The following HSPH1 variants were observed in gnomAD, a reference collection of about 807,000 sequenced individuals.
HSPH1 encodes heat shock protein 105 kDa.
In HSPH1, 40 loss-of-function variants were observed where a neutral mutation model predicts 100.0. That is an observed-to-expected ratio of 0.40 (90% CI 0.31 to 0.52). The LOEUF is 0.52. HSPH1 is among the 20% of genes least tolerant of loss of function. The probability of loss-of-function intolerance (pLI) is 0.54; values close to 1 mark genes in which losing one functional copy is unlikely to be tolerated. For missense variants in HSPH1, 876 were observed against 1,015.1 expected, an observed-to-expected ratio of 0.86 and a Z score of 1.86; for synonymous variants, 403 against 344.0, an observed-to-expected ratio of 1.17 and a Z score of -1.90.
In HSPH1 at chr13:31,138,788, C is replaced by T; in HGVS notation, c.2201G>A (p.Arg734Lys). 1 of 1,604,612 alleles carries T rather than the reference C, an allele frequency of 6.2e-7. No homozygotes were observed. Among genetic ancestry groups the T allele is most frequent in the Non-Finnish European group, 8.5e-7 (1 of 1,177,484 alleles). The change falls in exon 16 of 18, where the codon AGA (arginine) becomes AAA (lysine). Residue 734 changes from arginine to lysine, a missense_variant. Transcript: ENST00000320027. ...ACAAAAAGACTGACTCACCTTATTT[C>T]TGAAGTCAGCTGCTATCTTGGCATA... Reference protein sequence around the residue: ...QHYAKIAADFRNKDEKYNHID... With the variant: ...QHYAKIAADFKNKDEKYNHID...
chr13:31,159,443 G>C (rs1956817348), intron 1 of HSPH1, among the ~76,000 whole-genome samples: 1 of 152,172 alleles, frequency 6.6e-6, no homozygotes, highest in Non-Finnish European at 1.5e-5. Flanking sequence ...TGGCAAAACA[G>C]AATATAAATG....
At position 31,135,920 on chromosome 13, in the gene HSPH1, T is replaced by C. The variant is rs1955871896; in HGVS notation, c.*1398A>G. On this transcript the variant is annotated 3_prime_UTR_variant, in exon 18 of 18. Transcript: ENST00000320027. ...GGGCATGGTGGCTCACACCATGTAA[T>C]CCCAGCACTTTGGGAGGCTGAGGCA... The C allele has an allele frequency of 6.6e-6, 1 of 152,028 alleles. No homozygotes were observed. The highest frequency in any genetic ancestry group is 6.6e-5 in the Admixed American group (1 of 15,258). 9.4% of individuals were successfully genotyped at this position (152,028 alleles called of 1,614,324 possible). A position where few individuals can be genotyped will look rare whatever the true frequency, so the allele number is the denominator to read the frequency against.
At chr13:31,160,955 GA>G (rs1180399738) in intron 1 of HSPH1, among the ~76,000 whole-genome samples, 6 of 152,214 alleles carry the variant, frequency 3.9e-5, no homozygotes, top group Non-Finnish European at 8.8e-5. Flanking sequence ...ACAAGCTCTG[GA>G]AGCTTCCAGT....
intron 13 of HSPH1, 118 bp from the exon 14 acceptor site, chr13:31,140,427 G>C (rs1956047796): frequency 1.2e-6 from 1 of 828,566 alleles, no homozygotes; most frequent in Non-Finnish European, 1.8e-6. Context: ...TGTTAACACA[G>C]TTCCAACTTA....
intron 2 of HSPH1, among the ~76,000 whole-genome samples, chr13:31,158,420 G>A (rs1956776109): frequency 1.3e-5 from 2 of 151,866 alleles, no homozygotes; most frequent in South Asian, 4.2e-4. Context: ...GTGGTGACAC[G>A]CGCCTGTAAT....
chr13:31,154,493 T>C, intron 4 of HSPH1, 140 bp downstream of exon 4: 1 of 962,444 alleles, frequency 1.0e-6, no homozygotes, highest in Non-Finnish European at 1.6e-6. Flanking sequence ...TTTGTAATGC[T>C]CTGGAACACA....
At chr13:31,155,739 A>T (rs1956662804) in intron 2 of HSPH1, 85 bp from the exon 3 acceptor site, 1 of 1,212,842 alleles carries the variant, frequency 8.2e-7, no homozygotes, top group South Asian at 1.5e-5. Flanking sequence ...TATTCACTTT[A>T]CAACTCAAAC....
chr13:31,158,622 G>C (rs540879428), intron 2 of HSPH1, among the ~76,000 whole-genome samples, 184 bp downstream of exon 2: 1 of 151,162 alleles, frequency 6.6e-6, no homozygotes, highest in South Asian at 2.1e-4. Flanking sequence ...ATAAAACAAG[G>C]GAAAGGGAAC....
chr13:31,162,292 C>A, upstream of HSPH1: 1 of 613,576 alleles, frequency 1.6e-6, no homozygotes, highest in Non-Finnish European at 2.9e-6. Flanking sequence ...GGAGACAGAC[C>A]CCATTTTTGC....
chr13:31,144,488 T>C (rs1192182768), intron 11 of HSPH1, among the ~76,000 whole-genome samples: 2 of 152,162 alleles, frequency 1.3e-5, no homozygotes, highest in African/African-American at 4.8e-5. Context: ...GAGTAAAGAA[T>C]AAATGCTACA....
Position 31,138,374 on chromosome 13 carries a change from AC to A in HSPH1, c.2370+32del, listed in dbSNP as rs1327761377. The stretch of plus-strand genomic sequence containing the variant: ...GATTGCAACTTGAGTCCGTAAGTGA[AC>A]CCAGCAGTAAACACGAGACAGTAAC... On this transcript the variant is annotated intron_variant, in intron 17 of 17. Coordinates refer to ENST00000320027, the MANE Select transcript of HSPH1 (RefSeq NM_006644.4). The A allele has an allele frequency of 3.7e-6, 6 of 1,603,376 alleles. No individual in the cohort carries two copies. The South Asian group carries it at 6.7e-5, about 18-fold the overall frequency.
In HSPH1 at chr13:31,146,226, A is replaced by C. The variant is rs2137575171; in HGVS notation, c.1379-458T>G. ...TAACACTTGAGAACTGCTATTGTAA[A>C]ATCTTCTACCTAGTCTTTACCAAAT... On this transcript the variant is annotated intron_variant, in intron 10 of 17. Coordinates refer to ENST00000320027, the MANE Select transcript of HSPH1 (RefSeq NM_006644.4). Among the ~76,000 whole-genome samples the C allele has an allele frequency of 1.3e-5, 2 of 152,314 alleles. 1 individual carries two copies. The highest frequency in any genetic ancestry group is 4.1e-4 in the South Asian group (2 of 4,824).
chr13:31,145,555 A>C lies in HSPH1; in HGVS notation c.1584+8T>G. 2 of 1,610,650 alleles carry C rather than the reference A, an allele frequency of 1.2e-6. No homozygotes were observed. The highest frequency in any genetic ancestry group is 1.7e-6 in the Non-Finnish European group (2 of 1,177,610). On this transcript the variant is annotated splice_region_variant and intron_variant, in intron 11 of 17. Transcript: ENST00000320027. ...TATTCAAACACAAAGGTTTATCCAC[A>C]AACTTACATCAGTGTCTGGGTTTTC...
At chr13:31,160,129 CA>C (rs1219274630) in intron 1 of HSPH1, among the ~76,000 whole-genome samples, 1 of 152,186 alleles carries the variant, frequency 6.6e-6, no homozygotes, top group Non-Finnish European at 1.5e-5. Context: ...CTGTATAACA[CA>C]ATTTTTTTTC....
Position 31,155,467 on chromosome 13 carries a change from A to G in HSPH1, c.306+47T>C. 2.8e-6 allele frequency: 4 copies of G among 1,436,424 alleles called. No homozygotes were observed. In the South Asian group the frequency reaches 3.8e-5, roughly 14 times the overall value. 89.0% of individuals were successfully genotyped at this position (1,436,424 alleles called of 1,614,324 possible). A position where few individuals can be genotyped will look rare whatever the true frequency, so the allele number is the denominator to read the frequency against. On this transcript the variant is annotated intron_variant, in intron 3 of 17. Coordinates refer to ENST00000320027, the MANE Select transcript of HSPH1 (RefSeq NM_006644.4). ...ATAACTCAAATAAGTTCGTATTTTTAAGTATTAATAAGTTGGTATTTTTCT... is the reference window on the plus strand; with the variant it reads ...ATAACTCAAATAAGTTCGTATTTTTGAGTATTAATAAGTTGGTATTTTTCT...
In HSPH1 at chr13:31,138,889, A is replaced by G; in HGVS notation, c.2100T>C (p.Thr700=). ...CTTCCTGAAACCGAACTTTAACTGG[A>G]GTGCCAATTTTCTAAAATAAAATGT... ...DKLEELMKIG[T]PVKVRFQEAE... is the part of the protein sequence containing the mutation. The change falls in exon 16 of 18, where the codon ACT becomes ACC. Residue 700 remains threonine (T), a synonymous_variant. Transcript: ENST00000320027. 1 of 1,605,766 alleles carries G rather than the reference A, an allele frequency of 6.2e-7. No individual in the cohort carries two copies.
At chr13:31,158,895 A>G (rs142832944) in intron 1 of HSPH1, 32 bp from the exon 2 acceptor site, 1 of 1,310,268 alleles carries the variant, frequency 7.6e-7, no homozygotes, top group African/African-American at 1.4e-5. Context: ...AAAATTAAAA[A>G]GCATAAAGGT....
At position 31,137,390 on chromosome 13, in the gene HSPH1, A is replaced by C; in HGVS notation, c.2505T>G (p.Gly835=). ...CACCATTCTGATGTGGAGGTTCAGC[A>C]CCAAAATTGTTTTTGTCTTCTAAAT... is the stretch of plus-strand genomic sequence containing the variant. The part of the protein sequence containing the change: ...EEDLEDKNNF[G]AEPPHQNGEC... The change falls in exon 18 of 18, where the codon GGT becomes GGG. Residue 835 remains glycine, a synonymous_variant. Transcript: ENST00000320027. 4 of 1,613,528 alleles carry C rather than the reference A, an allele frequency of 2.5e-6. No individual in the cohort carries two copies. Among genetic ancestry groups the C allele is most frequent in the Non-Finnish European group, 3.4e-6 (4 of 1,179,572 alleles).
At chr13:31,140,352 C>T (rs1338005267) in intron 13 of HSPH1, 43 bp from the exon 14 acceptor site, 1 of 1,580,176 alleles carries the variant, frequency 6.3e-7, no homozygotes, top group Non-Finnish European at 8.6e-7. Context: ...TTCTAGTTAA[C>T]TCAAGCTAAA....
Sources: allele counts gnomAD v4.1 joint callset (sites outside exome capture counted in the v4.1 genomes callset), GRCh38; gene constraint gnomAD v4.1.1; transcripts MANE v1.5; gene names NCBI Gene and HGNC (gene_info 2026-07-23, HGNC 2026-07-21).